CSMD3: variants seen among roughly 807,000 people sequenced by gnomAD.
CSMD3 encodes the protein CUB and Sushi multiple domains 3.
In CSMD3, 177 loss-of-function variants were observed where a neutral mutation model predicts 435.2. The observed-to-expected ratio is 0.41, with a 90% CI of 0.36 to 0.46. The LOEUF (loss-of-function observed/expected upper bound fraction) is 0.46, where lower values mean the gene tolerates loss of function less well. CSMD3 is among the 20% of genes least tolerant of loss of function. CSMD3 has a pLI of 0.34. For synonymous variants in CSMD3, 1,656 were observed against 1,520.5 expected, an observed-to-expected ratio of 1.09 and a Z score of -2.07; for missense variants, 4,265 against 4,504.6, an observed-to-expected ratio of 0.95 and a Z score of 1.52.
chr8:113,411,120 A>G (rs1274943568), intron 1 of CSMD3, among the ~76,000 whole-genome samples: 1 of 152,114 alleles, frequency 6.6e-6, no homozygotes, highest in Admixed American at 6.5e-5. Context: ...AAGGGGAAAG[A>G]AAGCTATTTG....
chr8:113,325,103 G>T (rs2093974893), intron 1 of CSMD3, among the ~76,000 whole-genome samples: 1 of 152,224 alleles, frequency 6.6e-6, no homozygotes, highest in African/African-American at 2.4e-5. Context: ...CTCACAGATG[G>T]AAAGGACTTG....
intron 1 of CSMD3, among the ~76,000 whole-genome samples, chr8:113,404,807 A>C (rs2094525354): frequency 1.3e-5 from 2 of 151,492 alleles, no homozygotes; most frequent in Admixed American, 1.3e-4. Context: ...TACTACTGAT[A>C]GCCAGAGTAT....
intron 13 of CSMD3, among the ~76,000 whole-genome samples, chr8:112,785,729 G>C (rs1299459717): frequency 2.0e-5 from 3 of 151,878 alleles, no homozygotes; most frequent in Non-Finnish European, 4.4e-5. Flanking sequence ...TTTAATCAAA[G>C]AAGTGAAAGA....
chr8:112,467,662 CAT>C (rs1294537849), intron 32 of CSMD3, among the ~76,000 whole-genome samples: 1 of 152,066 alleles, frequency 6.6e-6, no homozygotes, highest in Non-Finnish European at 1.5e-5. Flanking sequence ...AAGATGATAT[CAT>C]ATTGGAGTAG....
intron 47 of CSMD3, among the ~76,000 whole-genome samples, chr8:112,315,729 T>C (rs940398585): frequency 6.6e-6 from 1 of 151,886 alleles, no homozygotes; most frequent in East Asian, 1.9e-4. Flanking sequence ...ACTGAATGAA[T>C]GGGTGAACTA....
chr8:113,255,984 A>G (rs1191972477), intron 3 of CSMD3, among the ~76,000 whole-genome samples: 1 of 152,080 alleles, frequency 6.6e-6, no homozygotes, highest in African/African-American at 2.4e-5. Context: ...TCTTTGTCTA[A>G]CATGAATGAA....
intron 3 of CSMD3, among the ~76,000 whole-genome samples, chr8:113,226,374 C>T (rs1254742175): frequency 6.6e-6 from 1 of 151,536 alleles, no homozygotes; most frequent in East Asian, 1.9e-4. Context: ...ATGGTTTATA[C>T]AACTTTACAT....
rs2130839049 is a variant in CSMD3, at chr8:112,314,635, C to T, written c.7361-18G>A. 6.3e-7 allele frequency: 1 copy of T among 1,583,998 alleles called. No homozygotes were observed. Among genetic ancestry groups the T allele is most frequent in the Non-Finnish European group, 8.7e-7 (1 of 1,153,252 alleles). On this transcript the variant is annotated intron_variant, in intron 47 of 70. Transcript: ENST00000297405. Reference sequence around the variant, plus strand: ...ACAGAGCACTGTCAAAGAAAAATGTCATTAAATAATGCCAGTCTTTTAGAG... The same window carrying T: ...ACAGAGCACTGTCAAAGAAAAATGTTATTAAATAATGCCAGTCTTTTAGAG...
chr8:112,772,685 T>C (rs1169637731), intron 13 of CSMD3, among the ~76,000 whole-genome samples: 1 of 152,040 alleles, frequency 6.6e-6, no homozygotes, highest in Non-Finnish European at 1.5e-5. Context: ...CTGCTAGTCC[T>C]TGGGCAATGG....
chr8:112,968,611 G>A (rs543351505), intron 7 of CSMD3, among the ~76,000 whole-genome samples: 27 of 151,990 alleles, frequency 1.8e-4, no homozygotes, highest in African/African-American at 5.3e-4. Flanking sequence ...AGCATTTCAA[G>A]ACAGTTTTAC....
At chr8:112,333,693 C>CACACACACACAA (rs1195559351) in intron 45 of CSMD3, among the ~76,000 whole-genome samples, 5 of 150,656 alleles carry the variant, frequency 3.3e-5, no homozygotes, top group Non-Finnish European at 5.9e-5. Context: ...CACACACACA[C>CACACACACACAA]AACACTGACA....
chr8:112,689,901 T>A lies in CSMD3; in HGVS notation c.2122A>T (p.Asn708Tyr). 1 of 1,613,322 alleles carries A rather than the reference T, an allele frequency of 6.2e-7. No individual in the cohort carries two copies. The highest frequency in any genetic ancestry group is 2.2e-5 in the East Asian group (1 of 44,788). ...GEKSIVCQENNQWSANIPICI... is the reference protein window; with the variant it reads ...GEKSIVCQENYQWSANIPICI... ...ATGGGTATGTTTGCAGACCATTGGT[T>A]ATTCTCTTGACAAACAATGGATTTC... The change falls in exon 14 of 71, where the codon AAC becomes TAC. Residue 708 changes from asparagine to tyrosine, a missense_variant. Physicochemically the swap from Asn to Tyr is moderately radical, Grantham distance 143. Coordinates refer to ENST00000297405, the MANE Select transcript of CSMD3 (RefSeq NM_198123.2).
At chr8:112,243,800 T>G (rs2130096508) in intron 65 of CSMD3, among the ~76,000 whole-genome samples, 1 of 152,154 alleles carries the variant, frequency 6.6e-6, no homozygotes, top group African/African-American at 2.4e-5. Context: ...GATCTTGGGA[T>G]AAAACAATCC....
chr8:112,795,735 T>G (rs2132310404), intron 13 of CSMD3, among the ~76,000 whole-genome samples: 1 of 152,246 alleles, frequency 6.6e-6, no homozygotes, highest in Non-Finnish European at 1.5e-5. Context: ...TAAACACATG[T>G]TTGTTTAAGC....
At chr8:112,421,862 T>C (rs866815772) in intron 32 of CSMD3, among the ~76,000 whole-genome samples, 1 of 151,916 alleles carries the variant, frequency 6.6e-6, no homozygotes, top group Non-Finnish European at 1.5e-5. Flanking sequence ...CCTTACTATA[T>C]GTAATGGACT....
chr8:113,375,575 T>A (rs1031949192), intron 1 of CSMD3, among the ~76,000 whole-genome samples: 13 of 150,198 alleles, frequency 8.7e-5, no homozygotes, highest in Non-Finnish European at 3.0e-5. Flanking sequence ...TAAGAAACTA[T>A]CAATACTTTA....
intron 9 of CSMD3, among the ~76,000 whole-genome samples, chr8:112,930,267 A>G (rs2130701639): frequency 6.6e-6 from 1 of 152,210 alleles, no homozygotes; most frequent in Middle Eastern, 3.4e-3. Flanking sequence ...TCATCCCTAT[A>G]CTACTATCAG....
Position 112,656,337 on chromosome 8 carries a change from G to C in CSMD3, c.2821C>G (p.Gln941Glu), listed in dbSNP as rs760437629. 1.5e-5 allele frequency: 24 copies of C among 1,609,108 alleles called. No homozygotes were observed. The highest frequency in any genetic ancestry group is 1.7e-6 in the Non-Finnish European group (2 of 1,176,136). ...AGAACATCATAATTCAGTTCAGTCTGAAATCTAAGATTAAAAGACACATGT... is the reference window on the plus strand; with the variant it reads ...AGAACATCATAATTCAGTTCAGTCTCAAATCTAAGATTAAAAGACACATGT... ...HSIKITFERF[Q>E]TELNYDVLEV... Residue 941 changes from glutamine (Q) to glutamate (E), a missense_variant, in exon 18 of 71, where the codon CAG becomes GAG. This residue lies in a region of CSMD3 where 3,255 missense variants were observed against 3,380.2 expected (regional missense o/e 0.96). Coordinates refer to ENST00000297405, the MANE Select transcript of CSMD3 (RefSeq NM_198123.2).
chr8:112,519,319 T>C (rs1824036453), intron 27 of CSMD3, among the ~76,000 whole-genome samples: 1 of 152,214 alleles, frequency 6.6e-6, no homozygotes, highest in Admixed American at 6.5e-5. Flanking sequence ...GTCTCACTCG[T>C]AATAATATCA....
Sources: gnomAD v4.1 joint callset for allele counts (sites outside exome capture counted in the v4.1 genomes callset) on GRCh38, gnomAD v4.1.1 for gene constraint, gnomAD v4.1.1 regional missense constraint, MANE v1.5 for transcripts, NCBI Gene and HGNC (gene_info 2026-07-23, HGNC 2026-07-21) for gene names.